Variants in GLB1L3 observed in about 807,000 individuals in gnomAD.
The protein encoded by GLB1L3 is beta-galactosidase-1-like protein 3.
Under a neutral mutation model 89.5 loss-of-function variants are expected in GLB1L3, and 89 were observed. The ratio of observed to expected loss-of-function variants is 0.99; its 90% CI spans 0.84 to 1.19. The LOEUF is 1.19. Among genes scored for constraint, GLB1L3 ranks in the 50% most tolerant of loss-of-function variants. The pLI is 0.00. For missense variants in GLB1L3, 812 were observed against 813.3 expected, an observed-to-expected ratio of 1.00 and a Z score of 0.02; for synonymous variants, 314 against 312.3, an observed-to-expected ratio of 1.01 and a Z score of -0.06.
downstream of GLB1L3, among the ~76,000 whole-genome samples, chr11:134,321,656 A>G (rs368157241): frequency 3.2e-4 from 48 of 152,302 alleles, no homozygotes; most frequent in African/African-American, 9.1e-4. Flanking sequence ...ATTCTCAGCA[A>G]ACTATCGCAA....
intron 18 of GLB1L3, among the ~76,000 whole-genome samples, chr11:134,317,820 T>G (rs552913643): frequency 2.6e-5 from 4 of 152,352 alleles, no homozygotes; most frequent in African/African-American, 9.6e-5. Context: ...TTCGCTGATA[T>G]GTTTTGAATC....
Position 134,310,557 on chromosome 11 carries a change from C to G in GLB1L3, c.1100-14C>G. 6.2e-7 allele frequency: 1 copy of G among 1,606,542 alleles called. No homozygotes were observed. The highest frequency in any genetic ancestry group is 8.5e-7 in the Non-Finnish European group (1 of 1,174,528). ...GAGACTGCATGGCTGGTGACTGGCCCTGGTGTCTTGCAGACTATGATGCAG... is the reference window on the plus strand; with the variant it reads ...GAGACTGCATGGCTGGTGACTGGCCGTGGTGTCTTGCAGACTATGATGCAG... On this transcript the variant is annotated splice_polypyrimidine_tract_variant and intron_variant, in intron 11 of 19. Coordinates refer to ENST00000431683, the MANE Select transcript of GLB1L3 (RefSeq NM_001080407.3).
chr11:134,299,989 A>G (rs1007677831), intron 9 of GLB1L3, among the ~76,000 whole-genome samples: 3 of 152,106 alleles, frequency 2.0e-5, no homozygotes, highest in African/African-American at 7.2e-5. Flanking sequence ...CCTAGAGAAG[A>G]TGGGCTGGGA....
intron 11 of GLB1L3, chr11:134,310,061 C>T: frequency 2.2e-6 from 1 of 458,548 alleles, no homozygotes; most frequent in Non-Finnish European, 3.9e-6. Context: ...GCTGTAAAGG[C>T]ACAGACCTGC....
At chr11:134,279,860 A>G (rs1307612495) in intron 3 of GLB1L3, among the ~76,000 whole-genome samples, 1 of 151,796 alleles carries the variant, frequency 6.6e-6, no homozygotes, top group Non-Finnish European at 1.5e-5. Context: ...TCTGTATTTC[A>G]CAGTTTCTGA....
At chr11:134,304,992 A>G (rs943430406) in intron 9 of GLB1L3, 2 of 1,009,780 alleles carry the variant, frequency 2.0e-6, no homozygotes, top group African/African-American at 1.6e-5. Flanking sequence ...GAGAGCCCGC[A>G]TGCGACTGCG....
intron 10 of GLB1L3, among the ~76,000 whole-genome samples, chr11:134,308,483 C>CCAT (rs1565413986): frequency 6.5e-4 from 6 of 9,222 alleles, no homozygotes; most frequent in Non-Finnish European, 8.3e-4. Context: ...AATACCACCA[C>CCAT]CACCATCACC....
rs1591560353 is a variant in GLB1L3 at position 134,297,890 on chromosome 11, G to GAC, written c.876+4682_876+4683insCA. Among the ~76,000 whole-genome samples the GAC allele has an allele frequency of 2.7e-5, 3 of 109,506 alleles. No homozygotes were observed. In the East Asian group the frequency reaches 6.9e-4, roughly 25 times the overall value. 71.8% of individuals were successfully genotyped at this position (109,506 alleles called of 152,430 possible). ...AAAAAAAAAAAAAAAGAAAGAAAGA[G>GAC]AGAAAAAAATATATATATATAATTT... is the stretch of plus-strand genomic sequence containing the variant. On this transcript the variant is annotated intron_variant, in intron 9 of 19. Coordinates refer to ENST00000431683, the MANE Select transcript of GLB1L3 (RefSeq NM_001080407.3).
intron 18 of GLB1L3, chr11:134,317,103 A>G (rs1943018825): frequency 6.6e-6 from 1 of 152,142 alleles, no homozygotes; most frequent in Non-Finnish European, 1.5e-5. Context: ...ATCAGTTTAT[A>G]CTTTTTGTGG....
At chr11:134,284,106 C>G (rs1591536809) in intron 6 of GLB1L3, among the ~76,000 whole-genome samples, 1 of 152,174 alleles carries the variant, frequency 6.6e-6, no homozygotes, top group African/African-American at 2.4e-5. Flanking sequence ...ACTTACTATT[C>G]CTCAAGCTTG....
chr11:134,293,225 C>T lies in GLB1L3; in HGVS notation c.876+16C>T, dbSNP rs1390834948. The T allele has an allele frequency of 2.5e-6, 4 of 1,608,030 alleles. No individual in the cohort carries two copies. In the African/African-American group the frequency reaches 4.0e-5, roughly 16 times the overall value. On this transcript the variant is annotated intron_variant, in intron 9 of 19. Coordinates refer to ENST00000431683, the MANE Select transcript of GLB1L3 (RefSeq NM_001080407.3). Reference sequence around the variant, plus strand: ...TAAAGTCCAGGTAAGACATTTCAGACAGGCAGGGTTTTACAGCTCCTCCTA... The same window carrying T: ...TAAAGTCCAGGTAAGACATTTCAGATAGGCAGGGTTTTACAGCTCCTCCTA...
chr11:134,310,490 T>C, intron 11 of GLB1L3, 81 bp from the exon 12 acceptor site: 1 of 1,056,772 alleles, frequency 9.5e-7, no homozygotes, highest in Non-Finnish European at 1.4e-6. Context: ...ACGGTGGCCC[T>C]GGCCATCTCC....
intron 8 of GLB1L3, chr11:134,292,882 A>T: frequency 1.8e-6 from 1 of 549,626 alleles, no homozygotes. Context: ...CAGTCTAATC[A>T]TGTCAGGGAG....
chr11:134,308,625 CCAT>C (rs1942543264), intron 10 of GLB1L3, among the ~76,000 whole-genome samples: 1 of 147,904 alleles, frequency 6.8e-6, no homozygotes, highest in African/African-American at 2.5e-5. Context: ...ACTATCACCA[CCAT>C]CACCATCAAC....
chr11:134,323,008 C>T (rs1943184889), downstream of GLB1L3, among the ~76,000 whole-genome samples: 1 of 152,162 alleles, frequency 6.6e-6, no homozygotes, highest in South Asian at 2.1e-4. Context: ...TCCAAAGTGG[C>T]TGCAGCACTT....
intron 11 of GLB1L3, chr11:134,310,111 C>A: frequency 2.5e-6 from 1 of 393,622 alleles, no homozygotes; most frequent in Non-Finnish European, 4.6e-6. Flanking sequence ...AAAGAGTACC[C>A]GTTGAAGGGG....
intron 6 of GLB1L3, among the ~76,000 whole-genome samples, chr11:134,284,400 C>G (rs1391586766): frequency 6.6e-6 from 1 of 151,870 alleles, no homozygotes; most frequent in East Asian, 1.9e-4. Flanking sequence ...TGCCTGCACA[C>G]TGTTCCCTAG....
intron 13 of GLB1L3, chr11:134,312,076 C>T (rs575296093): frequency 3.5e-4 from 121 of 341,700 alleles, no homozygotes; most frequent in African/African-American, 2.2e-3. Context: ...GGATTACAGG[C>T]GTGAGCCCCT....
At chr11:134,297,874 A>AG (rs1246034498) in intron 9 of GLB1L3, among the ~76,000 whole-genome samples, 11 of 139,294 alleles carry the variant, frequency 7.9e-5, no homozygotes, top group African/African-American at 1.8e-4. Context: ...AAAAAAAAAA[A>AG]AAAAAGAAAG....
Sources: gnomAD v4.1 joint callset for allele counts (sites outside exome capture counted in the v4.1 genomes callset) on GRCh38, gnomAD v4.1.1 for gene constraint, MANE v1.5 for transcripts, NCBI Gene and HGNC (gene_info 2026-07-23, HGNC 2026-07-21) for gene names.